The following SGMS1 variants were observed in gnomAD, a reference collection of about 807,000 sequenced individuals.
The protein encoded by SGMS1 is phosphatidylcholine:ceramide cholinephosphotransferase 1.
SGMS1 carries 13 observed loss-of-function variants against 46.2 expected under a neutral mutation model. The observed-to-expected ratio is 0.28, with a 90% CI of 0.18 to 0.45. SGMS1 has a LOEUF of 0.45. SGMS1 is among the 20% of genes least tolerant of loss of function. The pLI, the probability that SGMS1 is intolerant of heterozygous loss-of-function variation, is 1.00. For synonymous variants in SGMS1, 203 were observed against 187.8 expected (o/e 1.08, Z -0.66); for missense variants, 324 against 519.9 (o/e 0.62, Z 3.66).
At position 50,386,787 on chromosome 10, in the gene SGMS1, G is replaced by A. The variant is rs370974421; in HGVS notation, c.-231-42442C>T. On this transcript the variant is annotated intron_variant, in intron 6 of 10. Transcript: ENST00000361781. Reference sequence around the variant, plus strand: ...GCCCCACCTGTGAGATGGAGGGGAGGAAACATCAATTCCCCACTGTCCTGC... The same window carrying A: ...GCCCCACCTGTGAGATGGAGGGGAGAAAACATCAATTCCCCACTGTCCTGC... 3.9e-5 allele frequency among the ~76,000 whole-genome samples: 6 copies of A among 152,160 alleles called. No individual in the cohort carries two copies. In the East Asian group the frequency reaches 9.6e-4, roughly 24 times the overall value.
At chr10:50,472,127 A>G (rs1383122201) in intron 3 of SGMS1, among the ~76,000 whole-genome samples, 1 of 152,130 alleles carries the variant, frequency 6.6e-6, no homozygotes, top group African/African-American at 2.4e-5. Flanking sequence ...TATGGAGTAT[A>G]ATGTGATGTA....
intron 6 of SGMS1, among the ~76,000 whole-genome samples, chr10:50,392,504 G>A (rs1264062544): frequency 6.6e-6 from 1 of 152,154 alleles, no homozygotes; most frequent in Non-Finnish European, 1.5e-5. Flanking sequence ...TTCTACTGGT[G>A]ACTAGGTTCT....
chr10:50,476,423 AG>A (rs1379842099), intron 3 of SGMS1, among the ~76,000 whole-genome samples: 1 of 152,216 alleles, frequency 6.6e-6, no homozygotes, highest in Admixed American at 6.5e-5. Flanking sequence ...ACTGGGTAAC[AG>A]GCAGAGGTTA....
chr10:50,381,713 G>A (rs1407215773), intron 6 of SGMS1, among the ~76,000 whole-genome samples: 9 of 152,226 alleles, frequency 5.9e-5, no homozygotes, highest in Non-Finnish European at 1.0e-4. Flanking sequence ...CAGCAAATGA[G>A]CTAAGGAGAA....
chr10:50,597,416 C>T (rs2131902982), intron 1 of SGMS1, among the ~76,000 whole-genome samples: 1 of 152,278 alleles, frequency 6.6e-6, no homozygotes, highest in South Asian at 2.1e-4. Flanking sequence ...CATGGCACAT[C>T]CATACAACAG....
At chr10:50,413,093 T>C (rs767883841) in intron 6 of SGMS1, among the ~76,000 whole-genome samples, 6 of 152,136 alleles carry the variant, frequency 3.9e-5, no homozygotes, top group Non-Finnish European at 5.9e-5. Context: ...ACCTGGAAAA[T>C]GTAAATTTGA....
chr10:50,373,062 CA>C (rs1203370313), intron 6 of SGMS1, among the ~76,000 whole-genome samples: 7 of 152,150 alleles, frequency 4.6e-5, no homozygotes, highest in Non-Finnish European at 8.8e-5. Context: ...TCATTCTTTT[CA>C]AAGCTATCAA....
chr10:50,314,683 C>A (rs1847310456), intron 8 of SGMS1, among the ~76,000 whole-genome samples: 1 of 152,184 alleles, frequency 6.6e-6, no homozygotes, highest in Admixed American at 6.5e-5. Context: ...TTTCTGTAAT[C>A]TCAGCACTTT....
At position 50,590,175 on chromosome 10, in the gene SGMS1, T is replaced by C. The variant is rs1352097991; in HGVS notation, c.-611A>G. The C allele has an allele frequency of 2.0e-5, 3 of 152,384 alleles. No individual in the cohort carries two copies. Among genetic ancestry groups the C allele is most frequent in the Non-Finnish European group, 4.4e-5 (3 of 68,042 alleles). 9.4% of individuals were successfully genotyped at this position (152,384 alleles called of 1,614,324 possible). A position where few individuals can be genotyped will look rare whatever the true frequency, so the allele number is the denominator to read the frequency against. On this transcript the variant is annotated 5_prime_UTR_variant, in exon 2 of 11. Transcript: ENST00000361781. ...TACCTTTCAAATGATGGCTGTCTTC[T>C]TTCTCCTGATCAAAAATGAATGACT... is the stretch of plus-strand genomic sequence containing the variant.
At position 50,308,160 on chromosome 10, in the gene SGMS1, A is replaced by C. The variant is rs1847203241; in HGVS notation, c.896-12T>G. 1 of 1,610,292 alleles carries C rather than the reference A, an allele frequency of 6.2e-7. No individual in the cohort carries two copies. Among genetic ancestry groups the C allele is most frequent in the Non-Finnish European group, 8.5e-7 (1 of 1,177,806 alleles). ...TCGCCGAGGGGAATCTGAAAGGGGG[A>C]GAGATTTGCAATAGTCCCATTATTC... On this transcript the variant is annotated splice_polypyrimidine_tract_variant and intron_variant, in intron 9 of 10. Coordinates refer to ENST00000361781, the MANE Select transcript of SGMS1 (RefSeq NM_147156.4).
At chr10:50,531,536 A>G (rs918970037) in intron 2 of SGMS1, among the ~76,000 whole-genome samples, 1 of 152,174 alleles carries the variant, frequency 6.6e-6, no homozygotes, top group African/African-American at 2.4e-5. Context: ...AACCAGAGGT[A>G]AGAGCTAGTC....
intron 6 of SGMS1, among the ~76,000 whole-genome samples, chr10:50,370,097 C>T: frequency 6.6e-6 from 1 of 152,128 alleles, no homozygotes; most frequent in East Asian, 1.9e-4. Context: ...GCTCGCAGGA[C>T]TGGAAGTTGC....
At chr10:50,494,758 C>T (rs1017493476) in intron 3 of SGMS1, among the ~76,000 whole-genome samples, 3 of 152,068 alleles carry the variant, frequency 2.0e-5, no homozygotes, top group African/African-American at 2.4e-5. Flanking sequence ...AGAAAAAGGC[C>T]GGGCGCGGTG....
At chr10:50,550,655 C>A (rs1838140849) in intron 2 of SGMS1, among the ~76,000 whole-genome samples, 1 of 152,196 alleles carries the variant, frequency 6.6e-6, no homozygotes, top group Admixed American at 6.5e-5. Context: ...TACTAATACA[C>A]CTGCTTCTCT....
At chr10:50,618,508 C>T (rs891382985) in intron 1 of SGMS1, among the ~76,000 whole-genome samples, 2 of 150,000 alleles carry the variant, frequency 1.3e-5, no homozygotes, top group Admixed American at 6.6e-5. Flanking sequence ...ATTATAATCA[C>T]TAATGAATAT....
intron 3 of SGMS1, among the ~76,000 whole-genome samples, chr10:50,500,130 T>C (rs1205929443): frequency 6.6e-6 from 1 of 152,182 alleles, no homozygotes; most frequent in African/African-American, 2.4e-5. Flanking sequence ...ATTGCACCAC[T>C]GCACTTCAGC....
At chr10:50,449,890 G>A (rs1837079771) in intron 5 of SGMS1, among the ~76,000 whole-genome samples, 1 of 151,294 alleles carries the variant, frequency 6.6e-6, no homozygotes, top group Admixed American at 6.6e-5. Context: ...TTTGCTCACT[G>A]CCTAAAATGT....
intron 1 of SGMS1, among the ~76,000 whole-genome samples, chr10:50,592,470 A>T (rs1282459671): frequency 6.6e-6 from 1 of 151,938 alleles, no homozygotes; most frequent in African/African-American, 2.4e-5. Flanking sequence ...GGGAAAAAGT[A>T]TGGGGCTGAA....
At chr10:50,505,753 G>C (rs1837701177) in intron 3 of SGMS1, among the ~76,000 whole-genome samples, 1 of 152,182 alleles carries the variant, frequency 6.6e-6, no homozygotes, top group African/African-American at 2.4e-5. Context: ...CAAGGGTGCA[G>C]GGATGGGAGG....
Sources: gnomAD v4.1 joint callset for allele counts (sites outside exome capture counted in the v4.1 genomes callset) on GRCh38, gnomAD v4.1.1 for gene constraint, MANE v1.5 for transcripts, NCBI Gene and HGNC (gene_info 2026-07-23, HGNC 2026-07-21) for gene names.